The following THRB variants were observed in gnomAD, a reference collection of about 807,000 sequenced individuals.
THRB encodes thyroid hormone receptor beta.
Under a neutral mutation model 47.8 loss-of-function variants are expected in THRB, and 12 were observed. The ratio of observed to expected loss-of-function variants is 0.25; its 90% CI spans 0.16 to 0.41. The LOEUF (loss-of-function observed/expected upper bound fraction) is 0.41, where lower values mean the gene tolerates loss of function less well. Among genes scored for constraint, THRB ranks in the 10% least tolerant of loss-of-function variants. The pLI is 1.00. For synonymous variants in THRB, 218 were observed against 212.2 expected, an observed-to-expected ratio of 1.03 and a Z score of -0.24; for missense variants, 348 against 589.2, an observed-to-expected ratio of 0.59 and a Z score of 4.24.
intron 2 of THRB, among the ~76,000 whole-genome samples, chr3:24,323,243 A>T (rs1335292382): frequency 6.1e-5 from 9 of 147,200 alleles, no homozygotes; most frequent in African/African-American, 2.0e-4. Context: ...TTTTTTTTGG[A>T]TCCTGTTGTC....
chr3:24,382,257 G>A (rs770332147), intron 1 of THRB, among the ~76,000 whole-genome samples: 1 of 151,880 alleles, frequency 6.6e-6, no homozygotes, highest in Non-Finnish European at 1.5e-5. Context: ...AGCGTCATTA[G>A]GAAAAAAAAT....
chr3:24,227,145 T>G (rs2047734757), intron 4 of THRB, among the ~76,000 whole-genome samples: 1 of 152,200 alleles, frequency 6.6e-6, no homozygotes, highest in African/African-American at 2.4e-5. Flanking sequence ...CTTTTTCAGG[T>G]GGGCAAATTA....
At chr3:24,344,435 A>G (rs1308527307) in intron 1 of THRB, among the ~76,000 whole-genome samples, 1 of 152,150 alleles carries the variant, frequency 6.6e-6, no homozygotes. Flanking sequence ...TAGTTGATCA[A>G]CAAGAAAATT....
chr3:24,246,982 T>A (rs536638181), intron 3 of THRB, among the ~76,000 whole-genome samples: 7 of 152,326 alleles, frequency 4.6e-5, no homozygotes, highest in African/African-American at 1.7e-4. Context: ...GAAAGAGGAA[T>A]TAATCTCTTT....
chr3:24,369,794 A>T (rs1443102989), intron 1 of THRB, among the ~76,000 whole-genome samples: 7 of 152,178 alleles, frequency 4.6e-5, no homozygotes, highest in African/African-American at 1.7e-4. Flanking sequence ...CTGCACAATC[A>T]TTGGCTATAA....
intron 3 of THRB, among the ~76,000 whole-genome samples, chr3:24,257,535 C>G (rs1427324324): frequency 1.3e-5 from 2 of 152,156 alleles, no homozygotes; most frequent in Non-Finnish European, 2.9e-5. Flanking sequence ...ATGTCCACAT[C>G]TAAATCAAGT....
intron 3 of THRB, among the ~76,000 whole-genome samples, chr3:24,244,536 TCCA>T (rs1419936529): frequency 6.6e-6 from 1 of 152,188 alleles, no homozygotes; most frequent in African/African-American, 2.4e-5. Flanking sequence ...CTTAATAACT[TCCA>T]CATCTATCAA....
chr3:24,421,879 G>A (rs560829246), intron 1 of THRB, among the ~76,000 whole-genome samples: 5 of 151,970 alleles, frequency 3.3e-5, no homozygotes, highest in Non-Finnish European at 4.4e-5. Context: ...TGCAGATTAC[G>A]TTATCATCTC....
intron 1 of THRB, among the ~76,000 whole-genome samples, chr3:24,471,355 C>T (rs2074555476): frequency 6.6e-6 from 1 of 152,180 alleles, no homozygotes; most frequent in African/African-American, 2.4e-5. Context: ...GTTTGAGAAC[C>T]ATTATTTTGA....
rs534100697 is a variant in THRB, at chr3:24,479,036, C to A, written c.-261+15616G>T. On this transcript the variant is annotated intron_variant, in intron 1 of 10. Coordinates refer to ENST00000646209, the MANE Select transcript of THRB (RefSeq NM_001354712.2). ...TAATGCGGCCGGGCGCGGGGGTTAA[C>A]GCCTGTAATCCCAGCACTTTGGGAG... Among the ~76,000 whole-genome samples the A allele has an allele frequency of 3.9e-5, 6 of 152,236 alleles. No homozygotes were observed. In the East Asian group the frequency reaches 1.2e-3, roughly 29 times the overall value.
chr3:24,416,381 G>T (rs2068733427), intron 1 of THRB, among the ~76,000 whole-genome samples: 1 of 151,754 alleles, frequency 6.6e-6, no homozygotes, highest in South Asian at 2.1e-4. Flanking sequence ...ATCTTCAAGG[G>T]CTCCAAGTGA....
chr3:24,460,900 G>A (rs1445313350), intron 1 of THRB, among the ~76,000 whole-genome samples: 9 of 152,110 alleles, frequency 5.9e-5, no homozygotes, highest in Non-Finnish European at 1.3e-4. Flanking sequence ...TTTAGCAGAA[G>A]ATTTGCATTT....
chr3:24,125,087 C>T (rs2032483160), intron 10 of THRB, among the ~76,000 whole-genome samples: 1 of 152,144 alleles, frequency 6.6e-6, no homozygotes, highest in Admixed American at 6.5e-5. Context: ...TTTTATCTAC[C>T]TTACTTAGAT....
chr3:24,179,401 CATA>C (rs1179451986), intron 5 of THRB, among the ~76,000 whole-genome samples: 2 of 152,004 alleles, frequency 1.3e-5, no homozygotes, highest in Non-Finnish European at 2.9e-5. Flanking sequence ...TTGCAAATGA[CATA>C]ATAATAATAT....
chr3:24,483,307 T>G (rs182683232), intron 1 of THRB, among the ~76,000 whole-genome samples: 4 of 152,110 alleles, frequency 2.6e-5, no homozygotes, highest in African/African-American at 7.2e-5. Context: ...AATTATAGAG[T>G]AATTACTAGG....
In THRB at chr3:24,142,123, G is replaced by A. The variant is rs912978308; in HGVS notation, c.738+1378C>T. On this transcript the variant is annotated intron_variant, in intron 8 of 10. Coordinates refer to ENST00000646209, the MANE Select transcript of THRB (RefSeq NM_001354712.2). ...GGTAGTGGATAGAGACATAAATCCCGGAGCTGGCTGCATCCATCACCACTG... is the reference window on the plus strand; with the variant it reads ...GGTAGTGGATAGAGACATAAATCCCAGAGCTGGCTGCATCCATCACCACTG... 7.9e-5 allele frequency among the ~76,000 whole-genome samples: 12 copies of A among 152,170 alleles called. 1 individual carries two copies. Among genetic ancestry groups the A allele is most frequent in the Admixed American group, 2.6e-4 (4 of 15,272 alleles).
At position 24,118,973 on chromosome 3, in the gene THRB, G is replaced by GTTTTTTTT. The variant is rs559325556; in HGVS notation, c.*3903_*3910dup. ...GCCAAACCTTTTTTCCCCCAGTCTG[G>GTTTTTTTT]TTTTTTTTTTTTTTTTTTTTTTTTT... On this transcript the variant is annotated 3_prime_UTR_variant, in exon 11 of 11. Coordinates refer to ENST00000646209, the MANE Select transcript of THRB (RefSeq NM_001354712.2). 4 of 49,524 alleles carry GTTTTTTTT rather than the reference G, an allele frequency of 8.1e-5. No homozygotes were observed. Among genetic ancestry groups the GTTTTTTTT allele is most frequent in the East Asian group, 8.5e-4 (1 of 1,180 alleles). The allele number at this position is 49,524 out of a possible 1,614,324, so 3.1% of individuals were successfully genotyped here.
At chr3:24,140,588 AATAT>A (rs1188669204) in intron 8 of THRB, among the ~76,000 whole-genome samples, 2 of 152,058 alleles carry the variant, frequency 1.3e-5, no homozygotes, top group East Asian at 1.9e-4. Context: ...CTTATTTTTT[AATAT>A]ATAGTCAACT....
rs533263679 is a variant in THRB at position 24,206,345 on chromosome 3, A to T, written c.23-16011T>A. On this transcript the variant is annotated intron_variant, in intron 4 of 10. Coordinates refer to ENST00000646209, the MANE Select transcript of THRB (RefSeq NM_001354712.2). Reference sequence around the variant, plus strand: ...TCAAATTAGAACTCAGGATTAAGAAACTCACTCAAAACCGCTCAACTACAT... The same window carrying T: ...TCAAATTAGAACTCAGGATTAAGAATCTCACTCAAAACCGCTCAACTACAT... Among the ~76,000 whole-genome samples the T allele has an allele frequency of 1.1e-4, 17 of 152,272 alleles. No individual in the cohort carries two copies. The South Asian group carries it at 3.5e-3, about 32-fold the overall frequency.
Sources: allele counts gnomAD v4.1 joint callset (sites outside exome capture counted in the v4.1 genomes callset), GRCh38; gene constraint gnomAD v4.1.1; transcripts MANE v1.5; gene names NCBI Gene and HGNC (gene_info 2026-07-23, HGNC 2026-07-21).